Variants in PLCG2 observed in about 807,000 individuals in gnomAD.
PLCG2 encodes the protein 1-phosphatidylinositol 4,5-bisphosphate phosphodiesterase gamma-2.
Under a neutral mutation model 175.6 loss-of-function variants are expected in PLCG2, and 69 were observed. That is an observed-to-expected ratio of 0.39 (90% CI 0.32 to 0.48). The LOEUF is 0.48. Ranked by LOEUF, PLCG2 falls within the 20% of genes least tolerant of loss-of-function variation. The pLI, the probability that PLCG2 is intolerant of heterozygous loss-of-function variation, is 0.91. For missense variants in PLCG2, 1,798 were observed against 1,650.9 expected, an observed-to-expected ratio of 1.09 and a Z score of -1.54; for synonymous variants, 827 against 624.0, an observed-to-expected ratio of 1.33 and a Z score of -4.85.
intron 2 of PLCG2, among the ~76,000 whole-genome samples, chr16:81,814,923 G>T (rs1426649901): frequency 1.3e-5 from 2 of 152,162 alleles, no homozygotes; most frequent in Non-Finnish European, 2.9e-5. Context: ...TGTAGCACAG[G>T]GTTTGTCTAG....
chr16:81,834,591 AGCT>A (rs112113666), intron 2 of PLCG2, among the ~76,000 whole-genome samples: 1,765 of 151,348 alleles, frequency 0.012, 45 homozygotes, highest in African/African-American at 0.04. Flanking sequence ...GGATCTGCAG[AGCT>A]GCTGCTGCTG....
chr16:81,857,330 T>C (rs1906736828), intron 3 of PLCG2, among the ~76,000 whole-genome samples: 1 of 152,218 alleles, frequency 6.6e-6, no homozygotes, highest in South Asian at 2.1e-4. Flanking sequence ...TTTGAATTCC[T>C]CAGCTTTTTC....
chr16:81,776,662 C>T (rs1910415137), upstream of PLCG2, among the ~76,000 whole-genome samples: 2 of 152,208 alleles, frequency 1.3e-5, no homozygotes, highest in Admixed American at 6.5e-5. Flanking sequence ...TCAAACGATT[C>T]TGCTACCTCA....
chr16:81,744,501 C>G (rs980120949), intron 1 of PLCG2, among the ~76,000 whole-genome samples: 12 of 152,152 alleles, frequency 7.9e-5, no homozygotes, highest in African/African-American at 2.9e-4. Flanking sequence ...ATTGAGGTGA[C>G]TTTTCTTCTC....
chr16:81,764,500 C>G (rs1443948486), intron 2 of PLCG2, among the ~76,000 whole-genome samples: 3 of 152,154 alleles, frequency 2.0e-5, no homozygotes, highest in African/African-American at 7.2e-5. Flanking sequence ...GATTCACTCT[C>G]CTCAAAGACA....
intron 2 of PLCG2, among the ~76,000 whole-genome samples, chr16:81,838,899 G>C (rs1403720442): frequency 6.6e-6 from 1 of 151,682 alleles, no homozygotes; most frequent in Non-Finnish European, 1.5e-5. Context: ...CATTCCTCGG[G>C]TCCCGGTGAC....
chr16:81,863,250 T>C (rs1221451154), intron 5 of PLCG2, among the ~76,000 whole-genome samples: 1 of 152,236 alleles, frequency 6.6e-6, no homozygotes, highest in African/African-American at 2.4e-5. Context: ...ACTGTCTGTC[T>C]CTCTGGATTG....
intron 1 of PLCG2, among the ~76,000 whole-genome samples, chr16:81,783,614 A>T (rs1910841385): frequency 6.6e-6 from 1 of 151,996 alleles, no homozygotes; most frequent in Admixed American, 6.6e-5. Flanking sequence ...ACCTCTTGGG[A>T]TTTCAGTTTT....
chr16:81,896,365 AACACACACACACACACACACACAC>A (rs57375866), intron 13 of PLCG2, among the ~76,000 whole-genome samples: 1,903 of 121,132 alleles, frequency 0.016, 51 homozygotes, highest in African/African-American at 0.049. Flanking sequence ...TCTCTACCAA[AACACACACACACACACACACACAC>A]ACACACACAC....
chr16:81,789,959 G>A (rs1206396398), intron 2 of PLCG2, among the ~76,000 whole-genome samples: 2 of 151,536 alleles, frequency 1.3e-5, no homozygotes, highest in African/African-American at 4.9e-5. Flanking sequence ...AGCCTATATT[G>A]CTTTATTAGG....
At chr16:81,769,225 C>T (rs1910219701) in intron 2 of PLCG2, among the ~76,000 whole-genome samples, 1 of 152,202 alleles carries the variant, frequency 6.6e-6, no homozygotes, top group Non-Finnish European at 1.5e-5. Context: ...GGTAAAACCC[C>T]CTTACCATTA....
chr16:81,865,044 C>G (rs1263854411), intron 5 of PLCG2, among the ~76,000 whole-genome samples: 2 of 152,110 alleles, frequency 1.3e-5, no homozygotes, highest in African/African-American at 4.8e-5. Flanking sequence ...GGTCATCACC[C>G]TGGGGGAAGG....
At chr16:81,850,746 G>A (rs909573688) in intron 2 of PLCG2, among the ~76,000 whole-genome samples, 1 of 152,168 alleles carries the variant, frequency 6.6e-6, no homozygotes, top group African/African-American at 2.4e-5. Context: ...AGCATAGAGA[G>A]CTTCTTCCTG....
At chr16:81,852,525 T>C (rs1906470195) in intron 2 of PLCG2, among the ~76,000 whole-genome samples, 2 of 152,186 alleles carry the variant, frequency 1.3e-5, no homozygotes, top group African/African-American at 2.4e-5. Context: ...CAGAGTTCAC[T>C]GGTCATCTTG....
chr16:81,941,221 G>T (rs534414545), intron 30 of PLCG2, among the ~76,000 whole-genome samples: 48 of 152,266 alleles, frequency 3.2e-4, no homozygotes, highest in African/African-American at 1.2e-3. Context: ...CTGAGCAGCA[G>T]GCATGCTAGA....
intron 1 of PLCG2, among the ~76,000 whole-genome samples, chr16:81,746,298 C>T (rs1427249234): frequency 6.6e-6 from 1 of 152,196 alleles, no homozygotes; most frequent in African/African-American, 2.4e-5. Context: ...TGGCAGGGTG[C>T]CTTGAGTGCT....
intron 2 of PLCG2, among the ~76,000 whole-genome samples, chr16:81,819,316 C>T (rs777399782): frequency 6.6e-6 from 1 of 152,152 alleles, no homozygotes; most frequent in Non-Finnish European, 1.5e-5. Context: ...GGAGTGACAA[C>T]ACTGCCTCAT....
chr16:81,740,521 G>C (rs576910098), intron 1 of PLCG2: 77 of 151,978 alleles, frequency 5.1e-4, no homozygotes, highest in African/African-American at 1.7e-3. Context: ...CAGGCAGATC[G>C]CCTGAAGTCG....
intron 4 of PLCG2, 139 bp downstream of exon 4, chr16:81,858,495 T>C (rs1203044327): frequency 4.4e-6 from 3 of 675,916 alleles, no homozygotes; most frequent in Non-Finnish European, 8.2e-6. Flanking sequence ...TTGTATGCAA[T>C]GGGTGCCTAG....
Sources: gnomAD v4.1 joint callset for allele counts (sites outside exome capture counted in the v4.1 genomes callset) on GRCh38, gnomAD v4.1.1 for gene constraint, MANE v1.5 for transcripts, NCBI Gene and HGNC (gene_info 2026-07-23, HGNC 2026-07-21) for gene names.